The following TAFA2 variants were observed in gnomAD, a reference collection of about 807,000 sequenced individuals.
TAFA2 encodes TAFA chemokine like family member 2, also known as chemokine-like protein TAFA-2.
In TAFA2, 7 loss-of-function variants were observed where a neutral mutation model predicts 18.8. The observed-to-expected ratio is 0.37, with a 90% CI of 0.21 to 0.70. The LOEUF (loss-of-function observed/expected upper bound fraction) is 0.70, where lower values mean the gene tolerates loss of function less well. TAFA2 is among the 30% of genes least tolerant of loss of function. The pLI is 0.53. For synonymous variants in TAFA2, 60 were observed against 54.2 expected (o/e 1.11, Z -0.47); for missense variants, 122 against 158.1 (o/e 0.77, Z 1.23).
At chr12:62,140,290 T>C (rs2062229132) in intron 1 of TAFA2, 1 of 152,212 alleles carries the variant, frequency 6.6e-6, no homozygotes, top group Non-Finnish European at 1.5e-5. Flanking sequence ...AAGAATGTTT[T>C]GGTAGACATT....
chr12:62,067,726 T>C (rs1401381659), intron 1 of TAFA2, among the ~76,000 whole-genome samples: 4 of 152,018 alleles, frequency 2.6e-5, no homozygotes, highest in African/African-American at 9.7e-5. Context: ...TTCTGTAGCA[T>C]AGTAGCCCAA....
At chr12:62,007,226 CAT>C (rs1880583124) in intron 1 of TAFA2, among the ~76,000 whole-genome samples, 1 of 152,204 alleles carries the variant, frequency 6.6e-6, no homozygotes, top group Non-Finnish European at 1.5e-5. Context: ...TCTTTACACA[CAT>C]AGACACACAG....
chr12:61,854,573 GA>G, intron 2 of TAFA2, among the ~76,000 whole-genome samples: 1 of 151,726 alleles, frequency 6.6e-6, no homozygotes, highest in East Asian at 1.9e-4. Context: ...GAGTCAAGCA[GA>G]AAAGAGAGGG....
At chr12:61,812,133 A>G (rs955663702) in intron 2 of TAFA2, among the ~76,000 whole-genome samples, 6 of 151,434 alleles carry the variant, frequency 4.0e-5, no homozygotes, top group African/African-American at 1.5e-4. Context: ...GGGAGTTTCC[A>G]GGAGACAAGA....
intron 1 of TAFA2, among the ~76,000 whole-genome samples, chr12:61,946,719 A>G (rs851918): frequency 0.022 from 13 of 596 alleles, 2 homozygotes; most frequent in African/African-American, 0.052. Context: ...GCTCATCATC[A>G]CTGGCCATCA....
chr12:62,164,426 T>G (rs1291881943), intron 1 of TAFA2, among the ~76,000 whole-genome samples: 1 of 152,160 alleles, frequency 6.6e-6, no homozygotes, highest in Non-Finnish European at 1.5e-5. Flanking sequence ...TTTAGATTCT[T>G]AATCAATTAT....
Position 62,083,723 on chromosome 12 carries a change from AT to A in TAFA2, c.-2+107535del, listed in dbSNP as rs952886858. 7.2e-4 allele frequency among the ~76,000 whole-genome samples: 108 copies of A among 150,026 alleles called. 1 individual carries two copies. Among genetic ancestry groups the A allele is most frequent in the African/African-American group, 1.9e-3 (77 of 41,368 alleles). On this transcript the variant is annotated intron_variant, in intron 1 of 4. Transcript: ENST00000416284. ...AATGTGTCTTACACTTTTTAAATAT[AT>A]TTTTTTTTGTAGCAATGGCTAGCTA... is the stretch of plus-strand genomic sequence containing the variant.
intron 1 of TAFA2, among the ~76,000 whole-genome samples, chr12:62,017,445 A>G (rs1479871750): frequency 6.6e-6 from 1 of 152,182 alleles, no homozygotes; most frequent in African/African-American, 2.4e-5. Flanking sequence ...ATGCTGTGGC[A>G]GCTACTGCAA....
chr12:61,983,604 C>A (rs1022840073), intron 1 of TAFA2, among the ~76,000 whole-genome samples: 2 of 152,060 alleles, frequency 1.3e-5, no homozygotes, highest in African/African-American at 4.8e-5. Flanking sequence ...GACGGGGTTT[C>A]ACTGTGTTGG....
intron 1 of TAFA2, chr12:62,235,106 C>T (rs1305647774): frequency 4.7e-6 from 3 of 633,422 alleles, no homozygotes; most frequent in African/African-American, 3.6e-5. Flanking sequence ...GAGTACTGGC[C>T]TCTCCTACAG....
At chr12:62,134,002 C>A (rs1870793949) in intron 1 of TAFA2, among the ~76,000 whole-genome samples, 1 of 152,052 alleles carries the variant, frequency 6.6e-6, no homozygotes, top group Non-Finnish European at 1.5e-5. Context: ...TCCAGCAACA[C>A]TAACCTCTTT....
chr12:61,939,613 CTGTCTACTTCA>C (rs1047574049), intron 1 of TAFA2, among the ~76,000 whole-genome samples: 31 of 152,346 alleles, frequency 2.0e-4, no homozygotes, highest in Non-Finnish European at 3.4e-4. Flanking sequence ...AGTACAGTCT[CTGTCTACTTCA>C]TATGCTTGTT....
chr12:61,929,227 C>T (rs1464506779), intron 1 of TAFA2, among the ~76,000 whole-genome samples: 1 of 150,386 alleles, frequency 6.6e-6, no homozygotes, highest in African/African-American at 2.4e-5. Flanking sequence ...TAGGAAGGGA[C>T]ACATATTCTA....
At chr12:62,186,487 C>T (rs1223495974) in intron 1 of TAFA2, among the ~76,000 whole-genome samples, 5 of 152,092 alleles carry the variant, frequency 3.3e-5, no homozygotes, top group African/African-American at 9.7e-5. Context: ...ACCGTAATTG[C>T]TAGAATGCAA....
chr12:61,766,237 T>C (rs1027622399), intron 2 of TAFA2, among the ~76,000 whole-genome samples: 12 of 152,106 alleles, frequency 7.9e-5, no homozygotes, highest in African/African-American at 2.9e-4. Flanking sequence ...TGGCTCTTCA[T>C]TTTTTATACA....
intron 2 of TAFA2, among the ~76,000 whole-genome samples, chr12:61,774,483 C>T (rs1592379927): frequency 6.6e-6 from 1 of 151,804 alleles, no homozygotes; most frequent in Non-Finnish European, 1.5e-5. Context: ...GAATACTACT[C>T]AGCTATAAAA....
intron 1 of TAFA2, among the ~76,000 whole-genome samples, chr12:61,900,683 C>T (rs924098617): frequency 4.6e-5 from 7 of 152,116 alleles, no homozygotes; most frequent in Non-Finnish European, 8.8e-5. Flanking sequence ...AATTACCTTC[C>T]ATCAGATCCC....
intron 2 of TAFA2, among the ~76,000 whole-genome samples, chr12:61,764,271 C>T (rs1869693635): frequency 9.3e-6 from 1 of 108,048 alleles, no homozygotes. Context: ...TTTTTAATGG[C>T]AAAGTTTGAA....
At chr12:61,891,299 C>T (rs1875623460) in intron 1 of TAFA2, among the ~76,000 whole-genome samples, 1 of 152,084 alleles carries the variant, frequency 6.6e-6, no homozygotes, top group South Asian at 2.1e-4. Flanking sequence ...GAAGCAGAAG[C>T]AGTAGAAGCA....
Sources: allele counts gnomAD v4.1 joint callset (sites outside exome capture counted in the v4.1 genomes callset), GRCh38; gene constraint gnomAD v4.1.1; transcripts MANE v1.5; gene names NCBI Gene and HGNC (gene_info 2026-07-23, HGNC 2026-07-21).